LOC400499: variants seen among roughly 807,000 people sequenced by gnomAD.
the LOC400499 span, chr16:11,449,115 G>T: frequency 6.9e-7 from 1 of 1,443,792 alleles, no homozygotes; most frequent in South Asian, 1.3e-5. Flanking sequence ...AACCTGCAAT[G>T]AGGTGAGGAG....
At chr16:11,501,097 G>T in the LOC400499 span, 6 of 342,774 alleles carry the variant, frequency 1.8e-5, no homozygotes, top group Admixed American at 2.6e-4. Flanking sequence ...CCTTGGGAGG[G>T]GCTGACCCGG....
At chr16:11,494,656 A>C in the LOC400499 span, 1 of 399,444 alleles carries the variant, frequency 2.5e-6, no homozygotes, top group Non-Finnish European at 4.4e-6. Flanking sequence ...AGCCGACTCC[A>C]GGCAGCTGGC....
At chr16:11,457,953 G>A in the LOC400499 span, among the ~76,000 whole-genome samples, 1 of 152,202 alleles carries the variant, frequency 6.6e-6, no homozygotes, top group Non-Finnish European at 1.5e-5. Context: ...TGTAATCCCA[G>A]CACTATGGGA....
At chr16:11,504,557 C>G in the LOC400499 span, among the ~76,000 whole-genome samples, 10 of 150,870 alleles carry the variant, frequency 6.6e-5, no homozygotes, top group African/African-American at 1.5e-4. Context: ...CTCCGTCCCC[C>G]CCCCCAAAAA....
the LOC400499 span, chr16:11,473,095 G>A: frequency 1.3e-5 from 2 of 148,446 alleles, no homozygotes; most frequent in African/African-American, 5.2e-5. Flanking sequence ...TAGCCTGGGT[G>A]ACAGAGGGAC....
At chr16:11,397,393 C>A in the LOC400499 span, among the ~76,000 whole-genome samples, 1 of 152,120 alleles carries the variant, frequency 6.6e-6, no homozygotes, top group East Asian at 1.9e-4. Flanking sequence ...CCTACCTCAG[C>A]CTCCTGAGTA....
chr16:11,474,413 T>A, the LOC400499 span, among the ~76,000 whole-genome samples: 749 of 152,376 alleles, frequency 4.9e-3, 10 homozygotes, highest in African/African-American at 0.017. Flanking sequence ...ATTAGCCATT[T>A]TGCCTACTCT....
the LOC400499 span, chr16:11,404,658 CTT>C: frequency 5.0e-6 from 2 of 398,924 alleles, no homozygotes; most frequent in African/African-American, 4.1e-5. Flanking sequence ...GGGATGATTT[CTT>C]GAGTGACTGG....
chr16:11,480,253 G>C, the LOC400499 span, among the ~76,000 whole-genome samples: 2 of 152,346 alleles, frequency 1.3e-5, no homozygotes, highest in East Asian at 1.9e-4. Flanking sequence ...AAAGGGGATT[G>C]TGCATTCTAA....
chr16:11,377,763 C>T, the LOC400499 span, among the ~76,000 whole-genome samples: 1 of 152,190 alleles, frequency 6.6e-6, no homozygotes, highest in East Asian at 1.9e-4. Context: ...GGTCTATTTT[C>T]CTCTGGTGCT....
chr16:11,394,740 A>T, the LOC400499 span, among the ~76,000 whole-genome samples: 4 of 152,218 alleles, frequency 2.6e-5, no homozygotes, highest in African/African-American at 7.2e-5. Flanking sequence ...ACCACGTGGG[A>T]CAGAGGCAGA....
At chr16:11,501,050 C>T in the LOC400499 span, 3 of 397,930 alleles carry the variant, frequency 7.5e-6, no homozygotes, top group Admixed American at 1.3e-4. Flanking sequence ...TAAACTGAGG[C>T]TCAGAGAGGT....
the LOC400499 span, chr16:11,425,144 GAT>G: frequency 2.5e-6 from 1 of 399,018 alleles, no homozygotes; most frequent in Non-Finnish European, 4.4e-6. Context: ...TCAGCGTGCT[GAT>G]ATTGTGTGTC....
chr16:11,375,241 A>T, the LOC400499 span, among the ~76,000 whole-genome samples: 304 of 143,476 alleles, frequency 2.1e-3, 34 homozygotes, highest in South Asian at 0.062. Flanking sequence ...AAACAACTCA[A>T]TGTCCTAACA....
At chr16:11,481,296 T>C in the LOC400499 span, among the ~76,000 whole-genome samples, 2 of 152,160 alleles carry the variant, frequency 1.3e-5, no homozygotes, top group Admixed American at 1.3e-4. Context: ...TGGCACAACA[T>C]GGTGAATGTA....
chr16:11,468,983 G>C, the LOC400499 span, among the ~76,000 whole-genome samples: 2,120 of 152,280 alleles, frequency 0.014, 25 homozygotes, highest in Middle Eastern at 0.024. Flanking sequence ...CATCAATGAC[G>C]GTGGGATTTG....
chr16:11,458,986 A>C, the LOC400499 span, among the ~76,000 whole-genome samples: 1 of 151,842 alleles, frequency 6.6e-6, no homozygotes, highest in Non-Finnish European at 1.5e-5. Flanking sequence ...GCAGTGAGCC[A>C]AGATCATACC....
At chr16:11,409,155 G>A in the LOC400499 span, among the ~76,000 whole-genome samples, 1 of 152,182 alleles carries the variant, frequency 6.6e-6, no homozygotes, top group Admixed American at 6.5e-5. Context: ...CAGCTACTCA[G>A]GAGGCTGAGG....
the LOC400499 span, among the ~76,000 whole-genome samples, chr16:11,384,697 G>A: frequency 1.6e-4 from 25 of 152,220 alleles, no homozygotes; most frequent in Non-Finnish European, 2.5e-4. Context: ...GCCTCTGTGC[G>A]GTCATCTGGA....
Sources: gnomAD v4.1 joint callset for allele counts (sites outside exome capture counted in the v4.1 genomes callset) on GRCh38, gnomAD v4.1.1 for gene constraint, MANE v1.5 for transcripts.